Variants in ARHGEF4 observed in about 807,000 individuals in gnomAD.
The protein encoded by ARHGEF4 is APC-stimulated guanine nucleotide exchange factor 1.
Under a neutral mutation model 162.0 loss-of-function variants are expected in ARHGEF4, and 119 were observed. The observed-to-expected ratio is 0.73, with a 90% CI of 0.63 to 0.86. The LOEUF is 0.86. ARHGEF4 is among the 40% of genes least tolerant of loss of function. The probability of loss-of-function intolerance (pLI) is 0.00; values close to 1 mark genes in which losing one functional copy is unlikely to be tolerated. For missense variants in ARHGEF4, 2,488 were observed against 2,456.0 expected (o/e 1.01, Z -0.28); for synonymous variants, 1,014 against 979.9 (o/e 1.03, Z -0.65).
intron 1 of ARHGEF4, among the ~76,000 whole-genome samples, chr2:130,855,493 A>G (rs1284190055): frequency 1.3e-5 from 2 of 152,216 alleles, no homozygotes; most frequent in Admixed American, 6.5e-5. Context: ...CCCTCCTAGG[A>G]AGTGGCATGC....
At position 130,914,471 on chromosome 2, in the gene ARHGEF4, A is replaced by C. The variant is rs780192212; in HGVS notation, c.525A>C (p.Ala175=). Residue 175 remains alanine, a synonymous_variant, in exon 2 of 14, where the codon GCA becomes GCC. Coordinates refer to ENST00000409359, the MANE Select transcript of ARHGEF4 (RefSeq NM_001367493.1). ...GCCTGGAGCGAGAGTCTTTGCTGGC[A>C]GGGGTTCCCCGACACACAGGGTGCT... The part of the protein sequence containing the change: ...ATSLERESLL[A]GVPRHTGCCL... 6 of 1,433,588 alleles carry C rather than the reference A, an allele frequency of 4.2e-6. No homozygotes were observed. In the South Asian group the frequency reaches 9.1e-5, roughly 22 times the overall value. The allele number at this position is 1,433,588 out of a possible 1,614,324, so 88.8% of individuals were successfully genotyped here.
intron 4 of ARHGEF4, among the ~76,000 whole-genome samples, chr2:130,965,643 CT>C (rs1449919894): frequency 1.3e-5 from 2 of 152,162 alleles, no homozygotes; most frequent in African/African-American, 4.8e-5. Flanking sequence ...GCTTTCCTTC[CT>C]TTCCAGAGGC....
At chr2:130,917,580 G>A (rs553772213) in intron 2 of ARHGEF4, 82 bp downstream of exon 2, 7 of 1,456,194 alleles carry the variant, frequency 4.8e-6, no homozygotes, top group Non-Finnish European at 6.3e-6. Flanking sequence ...CTTCCTGAGG[G>A]GAGAGGTAAA....
At chr2:130,882,944 T>G (rs1210859248) in intron 1 of ARHGEF4, among the ~76,000 whole-genome samples, 3 of 152,018 alleles carry the variant, frequency 2.0e-5, no homozygotes, top group Non-Finnish European at 2.9e-5. Flanking sequence ...TGTTTTTATT[T>G]TGATTTCTTT....
intron 1 of ARHGEF4, among the ~76,000 whole-genome samples, chr2:130,910,847 T>A (rs1030564898): frequency 1.3e-5 from 2 of 152,192 alleles, no homozygotes; most frequent in Non-Finnish European, 2.9e-5. Flanking sequence ...ATACTTCTAA[T>A]AAGTCACAGG....
chr2:130,961,965 G>A (rs1046923239), intron 4 of ARHGEF4, among the ~76,000 whole-genome samples: 4 of 152,156 alleles, frequency 2.6e-5, no homozygotes, highest in South Asian at 2.1e-4. Flanking sequence ...AGCAGGCCGG[G>A]CGCGGTGGCT....
intron 1 of ARHGEF4, among the ~76,000 whole-genome samples, chr2:130,838,089 G>C (rs111748365): frequency 6.6e-6 from 1 of 152,254 alleles, no homozygotes; most frequent in Non-Finnish European, 1.5e-5. Flanking sequence ...AGTGGAGAGG[G>C]CCGGACAGCC....
intron 1 of ARHGEF4, among the ~76,000 whole-genome samples, chr2:130,853,123 A>AT (rs900498116): frequency 1.5e-4 from 23 of 152,162 alleles, no homozygotes; most frequent in Admixed American, 1.2e-3. Context: ...TGGCCTTCAT[A>AT]TGGCACCATG....
Position 130,998,955 on chromosome 2 carries a change from T to C in ARHGEF4, c.3986-28990T>C, listed in dbSNP as rs557300782. On this transcript the variant is annotated intron_variant, in intron 4 of 13. Transcript: ENST00000409359. ...AAGCCATGGATGAGAGCTCCTGTTG[T>C]TCCACATCCTCATCAGCAATTGGGG... Among the ~76,000 whole-genome samples, 3 of 152,318 alleles carry C rather than the reference T, an allele frequency of 2.0e-5. 1 individual carries two copies. In the South Asian group the frequency reaches 6.2e-4, roughly 32 times the overall value.
At chr2:131,021,403 G>A (rs1327171692) in intron 4 of ARHGEF4, among the ~76,000 whole-genome samples, 2 of 152,102 alleles carry the variant, frequency 1.3e-5, no homozygotes, top group South Asian at 2.1e-4. Context: ...TTAATAAATG[G>A]TGCTGGGAAA....
At chr2:130,958,404 T>G (rs939460920) in intron 4 of ARHGEF4, among the ~76,000 whole-genome samples, 2 of 152,030 alleles carry the variant, frequency 1.3e-5, no homozygotes, top group Non-Finnish European at 2.9e-5. Flanking sequence ...AGTCTTTTTT[T>G]TTTTGCTGGG....
At position 131,012,436 on chromosome 2, in the gene ARHGEF4, G is replaced by A. The variant is rs529477108; in HGVS notation, c.3986-15509G>A. 7.9e-5 allele frequency among the ~76,000 whole-genome samples: 12 copies of A among 152,274 alleles called. No homozygotes were observed. In the South Asian group the frequency reaches 1.7e-3, roughly 21 times the overall value. ...AATGTGCAAATACCCAAAAGTGAAC[G>A]CAAGCCTGGCTGTGTCAGACAAAAG... On this transcript the variant is annotated intron_variant, in intron 4 of 13. Coordinates refer to ENST00000409359, the MANE Select transcript of ARHGEF4 (RefSeq NM_001367493.1).
chr2:130,962,911 G>A (rs928659134), intron 4 of ARHGEF4, among the ~76,000 whole-genome samples: 2 of 152,144 alleles, frequency 1.3e-5, no homozygotes, highest in African/African-American at 2.4e-5. Context: ...GTCTCCCACA[G>A]TTTTTCACCT....
At chr2:131,035,296 G>C in intron 5 of ARHGEF4, 6 of 1,198,982 alleles carry the variant, frequency 5.0e-6, no homozygotes, top group Non-Finnish European at 6.2e-6. Flanking sequence ...GGGGTGAGTG[G>C]CGCGGGCGAC....
intron 1 of ARHGEF4, among the ~76,000 whole-genome samples, chr2:130,872,217 A>G (rs969482970): frequency 1.3e-5 from 2 of 152,186 alleles, no homozygotes; most frequent in Non-Finnish European, 2.9e-5. Flanking sequence ...GCTTGTTATC[A>G]AAACACAGGG....
chr2:130,844,776 C>A (rs1422764691), intron 1 of ARHGEF4, among the ~76,000 whole-genome samples: 1 of 151,890 alleles, frequency 6.6e-6, no homozygotes, highest in Admixed American at 6.6e-5. Context: ...TATTAGCTAT[C>A]CCCCGCCAAC....
intron 4 of ARHGEF4, among the ~76,000 whole-genome samples, chr2:130,977,534 A>G (rs1209565948): frequency 4.0e-5 from 6 of 150,958 alleles, no homozygotes; most frequent in African/African-American, 1.5e-4. Context: ...TGTGGTATAC[A>G]TTGTGTGTAT....
At chr2:131,001,788 CAA>C (rs540885132) in intron 4 of ARHGEF4, among the ~76,000 whole-genome samples, 3 of 152,178 alleles carry the variant, frequency 2.0e-5, no homozygotes, top group African/African-American at 7.2e-5. Context: ...CTACAAGACA[CAA>C]ATAATAGTAC....
At chr2:131,010,866 C>T (rs559382025) in intron 4 of ARHGEF4, among the ~76,000 whole-genome samples, 8 of 152,292 alleles carry the variant, frequency 5.3e-5, no homozygotes, top group East Asian at 3.9e-4. Flanking sequence ...TACATCTTAG[C>T]GTTGCAGAGG....
Sources: gnomAD v4.1 joint callset for allele counts (sites outside exome capture counted in the v4.1 genomes callset) on GRCh38, gnomAD v4.1.1 for gene constraint, MANE v1.5 for transcripts, NCBI Gene and HGNC (gene_info 2026-07-23, HGNC 2026-07-21) for gene names.